PPARGC1B: variants seen among roughly 807,000 people sequenced by gnomAD.
PPARGC1B encodes peroxisome proliferator-activated receptor gamma coactivator 1-beta.
Under a neutral mutation model 101.6 loss-of-function variants are expected in PPARGC1B, and 34 were observed. That is an observed-to-expected ratio of 0.33 (90% CI 0.25 to 0.45). PPARGC1B has a LOEUF of 0.45. PPARGC1B is among the 20% of genes least tolerant of loss of function. The pLI, the probability that PPARGC1B is intolerant of heterozygous loss-of-function variation, is 1.00. For synonymous variants in PPARGC1B, 548 were observed against 539.3 expected (o/e 1.02, Z -0.22); for missense variants, 1,234 against 1,317.6 (o/e 0.94, Z 0.98).
intron 1 of PPARGC1B, among the ~76,000 whole-genome samples, chr5:149,760,429 G>T (rs1755677093): frequency 6.6e-6 from 1 of 152,208 alleles, no homozygotes; most frequent in Non-Finnish European, 1.5e-5. Context: ...TGTGACCTTG[G>T]GCACATGGCT....
At position 149,809,175 on chromosome 5, in the gene PPARGC1B, CATAG is replaced by C. The variant is rs1170949360; in HGVS notation, c.79-11215_79-11212del. Among the ~76,000 whole-genome samples, 231 of 42,862 alleles carry C rather than the reference CATAG, an allele frequency of 5.4e-3. 10 individuals are homozygous for C. The highest frequency in any genetic ancestry group is 7.4e-3 in the Admixed American group (24 of 3,238). The allele number at this position is 42,862 out of a possible 152,430, so 28.1% of individuals were successfully genotyped here. A position where few individuals can be genotyped will look rare whatever the true frequency, so the allele number is the denominator to read the frequency against. On this transcript the variant is annotated intron_variant, in intron 1 of 11. Coordinates refer to ENST00000309241, the MANE Select transcript of PPARGC1B (RefSeq NM_133263.4). ...GATAGATAGATAGATCCATCTCTAC[CATAG>C]ATAGATAGATAGATAGATAGATAGA...
rs141783146 is a variant in PPARGC1B at position 149,847,997 on chromosome 5, T to G, written c.*439T>G. The G allele has an allele frequency of 1.1e-5, 2 of 180,266 alleles. No homozygotes were observed. Among genetic ancestry groups the G allele is most frequent in the Non-Finnish European group, 2.4e-5 (2 of 84,234 alleles). The allele number at this position is 180,266 out of a possible 1,614,324, so 11.2% of individuals were successfully genotyped here. ...CTTCATTTTTAATTGAAAAAAAAAGTATATCCTTAAAATAATGTATTTATG... is the reference window on the plus strand; with the variant it reads ...CTTCATTTTTAATTGAAAAAAAAAGGATATCCTTAAAATAATGTATTTATG... On this transcript the variant is annotated 3_prime_UTR_variant, in exon 12 of 12. Transcript: ENST00000309241.
chr5:149,814,571 G>A (rs906782619), intron 1 of PPARGC1B, among the ~76,000 whole-genome samples: 2 of 151,998 alleles, frequency 1.3e-5, no homozygotes, highest in African/African-American at 4.8e-5. Context: ...CCACCCCTCC[G>A]CCCCACCTCC....
At position 149,776,770 on chromosome 5, in the gene PPARGC1B, A is replaced by G. The variant is rs565662779; in HGVS notation, c.79-43663A>G. ...TCACATCCCCTCTCTGCCACTTGCTAGCTCTGGGGCTTCAGACAAGTTTGA... is the reference window on the plus strand; with the variant it reads ...TCACATCCCCTCTCTGCCACTTGCTGGCTCTGGGGCTTCAGACAAGTTTGA... On this transcript the variant is annotated intron_variant, in intron 1 of 11. Transcript: ENST00000309241. Among the ~76,000 whole-genome samples the G allele has an allele frequency of 5.3e-5, 8 of 152,366 alleles. No homozygotes were observed. In the East Asian group the frequency reaches 1.5e-3, roughly 29 times the overall value.
At position 149,766,783 on chromosome 5, in the gene PPARGC1B, C is replaced by T. The variant is rs1271597662; in HGVS notation, c.78+36363C>T. 2.6e-5 allele frequency among the ~76,000 whole-genome samples: 4 copies of T among 152,224 alleles called. No homozygotes were observed. In the East Asian group the frequency reaches 7.7e-4, roughly 29 times the overall value. On this transcript the variant is annotated intron_variant, in intron 1 of 11. Transcript: ENST00000309241. ...GGGTGATTATTAAATTATCTGTCCC[C>T]TCCTCCTCACTGCTCCCTGTCCCCC...
At chr5:149,760,640 A>G (rs1352846811) in intron 1 of PPARGC1B, among the ~76,000 whole-genome samples, 1 of 152,210 alleles carries the variant, frequency 6.6e-6, no homozygotes, top group Non-Finnish European at 1.5e-5. Flanking sequence ...AGTGAAACAT[A>G]AGTGGAGCCC....
chr5:149,790,182 A>G (rs535143354), intron 1 of PPARGC1B, among the ~76,000 whole-genome samples: 1 of 152,270 alleles, frequency 6.6e-6, no homozygotes, highest in East Asian at 1.9e-4. Flanking sequence ...CTAAATACTC[A>G]GTATGAGGGA....
At chr5:149,754,161 G>A (rs1755422357) in intron 1 of PPARGC1B, among the ~76,000 whole-genome samples, 2 of 152,216 alleles carry the variant, frequency 1.3e-5, no homozygotes, top group South Asian at 2.1e-4. Flanking sequence ...AGTCTCTGAA[G>A]TTTTAATTCA....
At chr5:149,825,189 G>A (rs1758465341) in intron 2 of PPARGC1B, among the ~76,000 whole-genome samples, 1 of 152,240 alleles carries the variant, frequency 6.6e-6, no homozygotes, top group South Asian at 2.1e-4. Context: ...CCTGTGGGCT[G>A]GGGGAACACA....
chr5:149,850,780 GT>G lies in PPARGC1B; in HGVS notation c.*3225del, dbSNP rs1429595581. 3 of 152,226 alleles carry G rather than the reference GT, an allele frequency of 2.0e-5. No homozygotes were observed. Among genetic ancestry groups the G allele is most frequent in the African/African-American group, 7.2e-5 (3 of 41,432 alleles). The allele number at this position is 152,226 out of a possible 1,614,324, so 9.4% of individuals were successfully genotyped here. A position where few individuals can be genotyped will look rare whatever the true frequency, so the allele number is the denominator to read the frequency against. ...CCGCACAGGGCAGGTCGTACTGTCC[GT>G]TTCTGTGCCGTGCTGGTGTTTTCCA... On this transcript the variant is annotated 3_prime_UTR_variant, in exon 12 of 12. Coordinates refer to ENST00000309241, the MANE Select transcript of PPARGC1B (RefSeq NM_133263.4).
chr5:149,742,099 T>C (rs184100590), intron 1 of PPARGC1B, among the ~76,000 whole-genome samples: 13 of 152,282 alleles, frequency 8.5e-5, no homozygotes, highest in Admixed American at 5.9e-4. Flanking sequence ...TGCCACATCC[T>C]TCACATGTGT....
rs548316459 is a variant in PPARGC1B, at chr5:149,842,264, C to T, written c.2703C>T (p.Gly901=). 1.2e-5 allele frequency: 19 copies of T among 1,613,430 alleles called. No individual in the cohort carries two copies. In the Admixed American group the frequency reaches 2.5e-4, roughly 21 times the overall value. ...RKRREKAIGE[G]RVVYIQNLSS... is the part of the protein sequence containing the mutation. ...TCCTCCTTCTTGGGCAGGGGGAAGG[C>T]CGCGTGGTGTACATTCAAAATCTCT... Residue 901 remains glycine (G), a synonymous_variant, in exon 10 of 12, where the codon GGC becomes GGT. Coordinates refer to ENST00000309241, the MANE Select transcript of PPARGC1B (RefSeq NM_133263.4).
chr5:149,810,064 G>A (rs1003262421), intron 1 of PPARGC1B, among the ~76,000 whole-genome samples: 1 of 152,198 alleles, frequency 6.6e-6, no homozygotes, highest in African/African-American at 2.4e-5. Flanking sequence ...GAGAGGGCAA[G>A]CAACTCCCTG....
intron 1 of PPARGC1B, among the ~76,000 whole-genome samples, chr5:149,740,293 G>A (rs1312439379): frequency 6.6e-6 from 1 of 152,202 alleles, no homozygotes. Flanking sequence ...ATGCTTTGAA[G>A]GCTTTTAGTG....
At chr5:149,825,770 C>T (rs1285856280) in intron 2 of PPARGC1B, among the ~76,000 whole-genome samples, 4 of 152,094 alleles carry the variant, frequency 2.6e-5, no homozygotes, top group African/African-American at 4.8e-5. Context: ...GAGTAGCCAC[C>T]GGGAAGGGGA....
intron 1 of PPARGC1B, among the ~76,000 whole-genome samples, chr5:149,748,304 T>C (rs1034843320): frequency 1.5e-5 from 2 of 135,926 alleles, no homozygotes; most frequent in African/African-American, 5.8e-5. Context: ...GATATAGATA[T>C]AGATATAGAT....
intron 1 of PPARGC1B, among the ~76,000 whole-genome samples, chr5:149,771,626 G>C (rs768951778): frequency 2.0e-5 from 3 of 152,220 alleles, no homozygotes; most frequent in African/African-American, 7.2e-5. Context: ...ACCTGTTACC[G>C]TGTCCTACAT....
intron 1 of PPARGC1B, among the ~76,000 whole-genome samples, chr5:149,799,957 C>G (rs1436651010): frequency 6.6e-6 from 1 of 152,010 alleles, no homozygotes; most frequent in Non-Finnish European, 1.5e-5. Flanking sequence ...TCTCGGCCTC[C>G]CAAAGTGCTG....
At chr5:149,783,932 G>A (rs888605828) in intron 1 of PPARGC1B, among the ~76,000 whole-genome samples, 12 of 151,902 alleles carry the variant, frequency 7.9e-5, no homozygotes, top group East Asian at 1.9e-4. Flanking sequence ...CCCTTCACCC[G>A]TCTCTGCACA....
Sources: gnomAD v4.1 joint callset for allele counts (sites outside exome capture counted in the v4.1 genomes callset) on GRCh38, gnomAD v4.1.1 for gene constraint, MANE v1.5 for transcripts, NCBI Gene and HGNC (gene_info 2026-07-23, HGNC 2026-07-21) for gene names.